The following GNPAT variants were observed in gnomAD, a reference collection of about 807,000 sequenced individuals.
The protein encoded by GNPAT is dihydroxyacetone phosphate acyltransferase.
In GNPAT, 30 loss-of-function variants were observed where a neutral mutation model predicts 78.4. The observed-to-expected ratio is 0.38, with a 90% CI of 0.29 to 0.52. The LOEUF is 0.52. Among genes scored for constraint, GNPAT ranks in the 20% least tolerant of loss-of-function variants. The pLI is 0.84. For missense variants in GNPAT, 714 were observed against 812.2 expected, an observed-to-expected ratio of 0.88 and a Z score of 1.47; for synonymous variants, 271 against 281.1, an observed-to-expected ratio of 0.96 and a Z score of 0.36.
At chr1:231,273,396 C>T (rs948850062) in intron 11 of GNPAT, among the ~76,000 whole-genome samples, 11 of 151,876 alleles carry the variant, frequency 7.2e-5, no homozygotes, top group Admixed American at 5.9e-4. Context: ...GGACTACAGG[C>T]GCCCACCACT....
At chr1:231,267,204 G>A (rs1256535591) in intron 8 of GNPAT, among the ~76,000 whole-genome samples, 3 of 152,112 alleles carry the variant, frequency 2.0e-5, no homozygotes, top group Admixed American at 2.0e-4. Context: ...GCTCTGTGCA[G>A]GCCTTATTGT....
intron 12 of GNPAT, 121 bp downstream of exon 12, chr1:231,274,183 A>G: frequency 1.1e-6 from 1 of 870,696 alleles, no homozygotes; most frequent in South Asian, 1.3e-5. Context: ...TGGAAGAAGG[A>G]GAGAGAGTGA....
intron 10 of GNPAT, 140 bp from the exon 11 acceptor site, chr1:231,272,172 C>T (rs984396272): frequency 1.5e-6 from 1 of 648,146 alleles, no homozygotes. Flanking sequence ...TTTAGCTTCC[C>T]TCAGGGGACT....
rs373862504 is a variant in GNPAT at position 231,241,374 on chromosome 1, G to A, written c.-5G>A. ...CCAGACCCCGCCCGGGAAGGCAGCC[G>A]CACCATGGAGTCTTCCAGTTCATCT... On this transcript the variant is annotated 5_prime_UTR_variant, in exon 1 of 16. Coordinates refer to ENST00000366647, the MANE Select transcript of GNPAT (RefSeq NM_014236.4). 3.7e-6 allele frequency: 6 copies of A among 1,611,006 alleles called. No homozygotes were observed. The African/African-American group carries it at 5.3e-5, about 14-fold the overall frequency.
chr1:231,271,520 G>C (rs374215322), intron 10 of GNPAT, among the ~76,000 whole-genome samples: 1 of 152,332 alleles, frequency 6.6e-6, no homozygotes, highest in South Asian at 2.1e-4. Context: ...AGGGGAGTGA[G>C]CCCCACCCCA....
intron 2 of GNPAT, among the ~76,000 whole-genome samples, chr1:231,256,056 T>A (rs1057237338): frequency 1.3e-5 from 2 of 152,220 alleles, no homozygotes; most frequent in Non-Finnish European, 2.9e-5. Flanking sequence ...CCTCTGGTTT[T>A]ATTCTACCCA....
chr1:231,266,197 G>A (rs1472107510), intron 7 of GNPAT, 32 bp downstream of exon 7: 4 of 1,612,806 alleles, frequency 2.5e-6, no homozygotes, highest in South Asian at 1.1e-5. Flanking sequence ...TTAATTGAGA[G>A]AATGTGCTGA....
chr1:231,266,592 T>C (rs565124080), intron 8 of GNPAT, among the ~76,000 whole-genome samples, 185 bp downstream of exon 8: 119 of 152,190 alleles, frequency 7.8e-4, no homozygotes, highest in African/African-American at 2.8e-3. Flanking sequence ...TATGTGTTTG[T>C]CCCAAAAAAA....
Position 231,265,701 on chromosome 1 carries a change from T to C in GNPAT, c.697-11T>C. Reference sequence around the variant, plus strand: ...AATGGGTTTTGTGTTTTGTTTGTTTTCTCTTTAAAGAATGGTTATGCTCCT... The same window carrying C: ...AATGGGTTTTGTGTTTTGTTTGTTTCCTCTTTAAAGAATGGTTATGCTCCT... On this transcript the variant is annotated splice_polypyrimidine_tract_variant and intron_variant, in intron 5 of 15. Coordinates refer to ENST00000366647, the MANE Select transcript of GNPAT (RefSeq NM_014236.4). 1 of 1,545,906 alleles carries C rather than the reference T, an allele frequency of 6.5e-7. No homozygotes were observed. Among genetic ancestry groups the C allele is most frequent in the Non-Finnish European group, 8.9e-7 (1 of 1,117,760 alleles).
At chr1:231,244,029 A>C (rs940683082) in intron 1 of GNPAT, among the ~76,000 whole-genome samples, 1 of 151,878 alleles carries the variant, frequency 6.6e-6, no homozygotes, top group African/African-American at 2.4e-5. Context: ...CTGTCTCAGC[A>C]TCCCAAGTAG....
rs901019751 is a variant in GNPAT, at chr1:231,270,627, T to C, written c.1280-131T>C. The C allele has an allele frequency of 1.7e-5, 15 of 873,304 alleles. No homozygotes were observed. The African/African-American group carries it at 2.1e-4, about 12-fold the overall frequency. The allele number at this position is 873,304 out of a possible 1,614,324, so 54.1% of individuals were successfully genotyped here. On this transcript the variant is annotated intron_variant, in intron 9 of 15. Transcript: ENST00000366647. The stretch of plus-strand genomic sequence containing the variant: ...TTCAGATTTGGTATCATTACCGTAA[T>C]TGGTAGACAGTAAAACCTGTCACTT...
intron 14 of GNPAT, among the ~76,000 whole-genome samples, chr1:231,275,847 C>G (rs1685698018): frequency 6.6e-6 from 1 of 152,008 alleles, no homozygotes; most frequent in South Asian, 2.1e-4. Context: ...AGATACATAC[C>G]TGTATATGTA....
rs41305723 is a variant in GNPAT, at chr1:231,266,261, G to T, written c.925-16G>T. ...CTGCTTTTCGTTTTCTTCCCCCCCT[G>T]TTATGGTACTATTAGGGGTTGCTGA... On this transcript the variant is annotated splice_polypyrimidine_tract_variant and intron_variant, in intron 7 of 15. Transcript: ENST00000366647. The T allele has an allele frequency of 6.2e-6, 10 of 1,610,996 alleles. No individual in the cohort carries two copies. The highest frequency in any genetic ancestry group is 7.6e-6 in the Non-Finnish European group (9 of 1,179,880).
chr1:231,276,706 C>A (rs1400325536), intron 15 of GNPAT, among the ~76,000 whole-genome samples: 1 of 152,200 alleles, frequency 6.6e-6, no homozygotes, highest in East Asian at 1.9e-4. Flanking sequence ...CAAAAAGAGT[C>A]CTTGAGTGTT....
At position 231,271,641 on chromosome 1, in the gene GNPAT, T is replaced by G. The variant is rs539331415; in HGVS notation, c.1522+641T>G. ...ATTCTAAGGAAAAGTGCTACAGATA[T>G]AATAAAGATACCAGGAAATATGAAT... On this transcript the variant is annotated intron_variant, in intron 10 of 15. Transcript: ENST00000366647. Among the ~76,000 whole-genome samples the G allele has an allele frequency of 9.2e-5, 14 of 152,238 alleles. No individual in the cohort carries two copies. In the South Asian group the frequency reaches 2.7e-3, roughly 29 times the overall value.
At chr1:231,265,209 T>C (rs2102817510) in intron 4 of GNPAT, 84 bp from the exon 5 acceptor site, 1 of 1,025,152 alleles carries the variant, frequency 9.8e-7, no homozygotes, top group East Asian at 2.6e-5. Context: ...TAATAAAATA[T>C]AAATGAAAAA....
At position 231,275,339 on chromosome 1, in the gene GNPAT, G is replaced by A. The variant is rs956906981; in HGVS notation, c.1843+19G>A. 3 of 1,585,490 alleles carry A rather than the reference G, an allele frequency of 1.9e-6. No homozygotes were observed. The highest frequency in any genetic ancestry group is 1.7e-5 in the Admixed American group (1 of 59,968). The stretch of plus-strand genomic sequence containing the variant: ...GATCAAGGTCAGTCACTGCTCTGTG[G>A]GTGCTGATTTCTTTTAGTTGAGAAT... On this transcript the variant is annotated intron_variant, in intron 13 of 15. Transcript: ENST00000366647.
At chr1:231,241,575 G>A in intron 1 of GNPAT, 119 bp downstream of exon 1, 1 of 777,942 alleles carries the variant, frequency 1.3e-6, no homozygotes, top group Non-Finnish European at 2.3e-6. Context: ...CTAGGCTCCC[G>A]AGGAGGGGTT....
intron 1 of GNPAT, 113 bp from the exon 2 acceptor site, chr1:231,250,848 G>A (rs544743856): frequency 1.1e-5 from 8 of 733,648 alleles, no homozygotes; most frequent in African/African-American, 3.5e-5. Context: ...CTCTGCTCCT[G>A]TTCACGTCAT....
Sources: allele counts gnomAD v4.1 joint callset (sites outside exome capture counted in the v4.1 genomes callset), GRCh38; gene constraint gnomAD v4.1.1; transcripts MANE v1.5; gene names NCBI Gene and HGNC (gene_info 2026-07-23, HGNC 2026-07-21).